LRP6: variants seen among roughly 807,000 people sequenced by gnomAD.
LRP6 encodes the protein low-density lipoprotein receptor-related protein 6.
LRP6 carries 43 observed loss-of-function variants against 184.1 expected under a neutral mutation model. The ratio of observed to expected loss-of-function variants is 0.23; its 90% CI spans 0.18 to 0.30. The LOEUF (loss-of-function observed/expected upper bound fraction) is 0.30. LRP6 is among the 10% of genes least tolerant of loss of function. The pLI, the probability that LRP6 is intolerant of heterozygous loss-of-function variation, is 1.00. For missense variants in LRP6, 1,571 were observed against 2,005.3 expected, an observed-to-expected ratio of 0.78 and a Z score of 4.14; for synonymous variants, 719 against 684.9, an observed-to-expected ratio of 1.05 and a Z score of -0.78.
At chr12:12,144,103 A>C (rs1310270513) in intron 15 of LRP6, among the ~76,000 whole-genome samples, 3 of 152,266 alleles carry the variant, frequency 2.0e-5, no homozygotes, top group Non-Finnish European at 4.4e-5. Context: ...GAGAATAAAA[A>C]AGGTAAATCA....
intron 3 of LRP6, among the ~76,000 whole-genome samples, chr12:12,195,965 G>A (rs10845494): frequency 0.46 from 69,200 of 151,908 alleles, 16,758 homozygotes; most frequent in East Asian, 0.76. Context: ...CCCAATCTAT[G>A]TTCTTGGCAC....
Position 12,159,958 on chromosome 12 carries a change from C to T in LRP6, c.2286G>A (p.Met762Ile). ...GTTTTCCACCCCATTCAGTCCAATA[C>T]ATAAATCTAAATTCAAAATAATAAA... ...ALALDPAEGF[M>I]YWTEWGGKPK... The change falls in exon 11 of 23, where the codon ATG becomes ATA. Residue 762 changes from methionine (M) to isoleucine (I), a missense_variant. This residue lies in a region of LRP6 where 158 missense variants were observed against 258.4 expected (regional missense o/e 0.61). Transcript: ENST00000261349. 1 of 1,601,816 alleles carries T rather than the reference C, an allele frequency of 6.2e-7. No individual in the cohort carries two copies. Among genetic ancestry groups the T allele is most frequent in the Non-Finnish European group, 8.5e-7 (1 of 1,173,352 alleles).
At chr12:12,249,340 A>C (rs1865265573) in intron 1 of LRP6, 4 of 1,152,522 alleles carry the variant, frequency 3.5e-6, no homozygotes, top group Admixed American at 3.4e-5. Flanking sequence ...ACAGCACCAA[A>C]GTTGTCCTGC....
intron 7 of LRP6, among the ~76,000 whole-genome samples, chr12:12,178,253 T>C (rs1227545704): frequency 6.6e-6 from 1 of 152,196 alleles, no homozygotes; most frequent in African/African-American, 2.4e-5. Context: ...TATTTGTTAT[T>C]CTGAATAAAT....
intron 1 of LRP6, among the ~76,000 whole-genome samples, chr12:12,252,659 T>G (rs1298161628): frequency 6.6e-6 from 1 of 152,204 alleles, no homozygotes; most frequent in Non-Finnish European, 1.5e-5. Flanking sequence ...TTTTCCTCAA[T>G]GTTAACTTGG....
At chr12:12,261,598 TG>T (rs1865617884) in intron 1 of LRP6, among the ~76,000 whole-genome samples, 1 of 152,162 alleles carries the variant, frequency 6.6e-6, no homozygotes, top group African/African-American at 2.4e-5. Context: ...ATGTAATACT[TG>T]ACAAGTTTGG....
At chr12:12,258,739 A>G (rs375205033) in intron 1 of LRP6, among the ~76,000 whole-genome samples, 52 of 152,378 alleles carry the variant, frequency 3.4e-4, no homozygotes, top group African/African-American at 1.2e-3. Flanking sequence ...TGCAAAACAT[A>G]GTATCTTTAA....
At chr12:12,218,155 T>C (rs1864396039) in intron 2 of LRP6, among the ~76,000 whole-genome samples, 1 of 152,098 alleles carries the variant, frequency 6.6e-6, no homozygotes, top group South Asian at 2.1e-4. Flanking sequence ...TTCCAGAATA[T>C]ATAAAGAGCT....
Position 12,130,797 on chromosome 12 carries a change from T to C in LRP6, c.4067A>G (p.Asp1356Gly), listed in dbSNP as rs376168250. 6.2e-7 allele frequency: 1 copy of C among 1,608,192 alleles called. No homozygotes were observed. Among genetic ancestry groups the C allele is most frequent in the African/African-American group, 1.3e-5 (1 of 74,816 alleles). The change falls in exon 19 of 23, where the codon GAT becomes GGT. Residue 1356 changes from aspartate (D) to glycine (G), a missense_variant. By Grantham distance (94) the Asp-to-Gly change is moderately conservative. This residue lies in a region of LRP6 where 763 missense variants were observed against 859.5 expected (regional missense o/e 0.89). Transcript: ENST00000261349. ...DHNVDCSDKS[D>G]ELDCYPTEEP... ...GTCCTACTTACAACAATCCAGTTCATCTGACTTGTCACTGCAATCCACATT... is the reference window on the plus strand; with the variant it reads ...GTCCTACTTACAACAATCCAGTTCACCTGACTTGTCACTGCAATCCACATT...
intron 7 of LRP6, among the ~76,000 whole-genome samples, chr12:12,169,450 G>A (rs1862971933): frequency 6.6e-6 from 1 of 152,068 alleles, no homozygotes; most frequent in African/African-American, 2.4e-5. Context: ...GAGAAAACTG[G>A]GGTTTGGATC....
intron 1 of LRP6, among the ~76,000 whole-genome samples, chr12:12,262,507 A>G (rs1274303407): frequency 6.6e-6 from 1 of 151,924 alleles, no homozygotes; most frequent in African/African-American, 2.4e-5. Flanking sequence ...GCAGTGAGCC[A>G]AGATCGCGGC....
At chr12:12,248,215 C>G (rs1218425939) in intron 1 of LRP6, among the ~76,000 whole-genome samples, 1 of 152,116 alleles carries the variant, frequency 6.6e-6, no homozygotes, top group Admixed American at 6.6e-5. Context: ...ATCAATTGTT[C>G]TGTATTTCTC....
intron 3 of LRP6, among the ~76,000 whole-genome samples, chr12:12,190,118 G>C (rs887095420): frequency 1.3e-5 from 2 of 152,176 alleles, no homozygotes; most frequent in East Asian, 3.9e-4. Flanking sequence ...GCAGAACTAA[G>C]AACACTATCA....
At chr12:12,225,553 C>T (rs778506904) in intron 2 of LRP6, among the ~76,000 whole-genome samples, 11 of 151,830 alleles carry the variant, frequency 7.2e-5, no homozygotes, top group Non-Finnish European at 1.3e-4. Flanking sequence ...TTGGTTTTAC[C>T]TCCAGGAGCT....
chr12:12,222,037 C>A (rs1467275435), intron 2 of LRP6, among the ~76,000 whole-genome samples: 1 of 152,156 alleles, frequency 6.6e-6, no homozygotes, highest in Non-Finnish European at 1.5e-5. Context: ...AAAGTAACAA[C>A]TAAAATTCCT....
At chr12:12,183,566 T>G (rs914046827) in intron 5 of LRP6, among the ~76,000 whole-genome samples, 2 of 152,212 alleles carry the variant, frequency 1.3e-5, no homozygotes, top group Non-Finnish European at 2.9e-5. Flanking sequence ...AAATAATTTG[T>G]TATAAAATAT....
At chr12:12,191,473 T>C (rs1591931062) in intron 3 of LRP6, among the ~76,000 whole-genome samples, 1 of 152,168 alleles carries the variant, frequency 6.6e-6, no homozygotes. Flanking sequence ...TCTGCCTTCT[T>C]CTGAATGTTC....
chr12:12,245,572 T>C (rs1414055656), intron 1 of LRP6, among the ~76,000 whole-genome samples: 3 of 152,204 alleles, frequency 2.0e-5, no homozygotes, highest in Admixed American at 6.5e-5. Context: ...GCAAAATTTA[T>C]TGTCTATCAA....
At position 12,262,127 on chromosome 12, in the gene LRP6, C is replaced by T. The variant is rs536953526; in HGVS notation, c.55+4554G>A. Among the ~76,000 whole-genome samples the T allele has an allele frequency of 1.3e-3, 193 of 152,166 alleles. 2 individuals are homozygous for T. Among genetic ancestry groups the T allele is most frequent in the African/African-American group, 4.6e-3 (190 of 41,512 alleles). ...GGCACAGTGGCTCACACCTGTAATC[C>T]CAGCACTTTGGGAGGTCAAGGCAGG... On this transcript the variant is annotated intron_variant, in intron 1 of 22. Coordinates refer to ENST00000261349, the MANE Select transcript of LRP6 (RefSeq NM_002336.3).
Sources: allele counts gnomAD v4.1 joint callset (sites outside exome capture counted in the v4.1 genomes callset), GRCh38; gene constraint gnomAD v4.1.1; regional missense constraint gnomAD v4.1.1; transcripts MANE v1.5; gene names NCBI Gene and HGNC (gene_info 2026-07-23, HGNC 2026-07-21).